The following LHX8 variants were observed in gnomAD, a reference collection of about 807,000 sequenced individuals.
LHX8 encodes the protein LIM homeobox 8.
A neutral mutation model predicts 40.3 loss-of-function variants in LHX8; 12 were observed. The observed-to-expected ratio is 0.30, with a 90% CI of 0.19 to 0.48. The LOEUF is 0.48. LHX8 is among the 20% of genes least tolerant of loss of function. The pLI is 0.99. For missense variants in LHX8, 344 were observed against 433.7 expected, an observed-to-expected ratio of 0.79 and a Z score of 1.84; for synonymous variants, 179 against 162.0, an observed-to-expected ratio of 1.10 and a Z score of -0.80.
intron 4 of LHX8, among the ~76,000 whole-genome samples, chr1:75,141,480 G>A (rs562656587): frequency 1.6e-3 from 250 of 152,170 alleles, no homozygotes; most frequent in African/African-American, 5.7e-3. Flanking sequence ...TTATGGGGGA[G>A]AAAAATCAAG....
chr1:75,144,726 G>C (rs10493553), intron 6 of LHX8, among the ~76,000 whole-genome samples: 11 of 152,052 alleles, frequency 7.2e-5, no homozygotes, highest in Middle Eastern at 3.4e-3. Flanking sequence ...ATGTGGCTGA[G>C]GTATTTGTTT....
upstream of LHX8, chr1:75,133,190 GA>G (rs1648019241): frequency 6.6e-6 from 1 of 152,220 alleles, no homozygotes; most frequent in African/African-American, 2.4e-5. Context: ...TGCGCGAAAA[GA>G]AAAACAATGG....
At chr1:75,143,013 T>G in intron 4 of LHX8, 105 bp from the exon 5 acceptor site, 2 of 837,314 alleles carry the variant, frequency 2.4e-6, no homozygotes, top group Non-Finnish European at 4.0e-6. Context: ...TTTAAATACT[T>G]AGGTTATTTC....
At chr1:75,168,370 C>T in the LHX8 span, among the ~76,000 whole-genome samples, 31 of 152,042 alleles carry the variant, frequency 2.0e-4, no homozygotes, top group East Asian at 5.6e-3. Context: ...TTACAGGCAC[C>T]CACCTCCACA....
chr1:75,144,711 G>C (rs918305806), intron 6 of LHX8, among the ~76,000 whole-genome samples: 3 of 152,028 alleles, frequency 2.0e-5, no homozygotes, highest in African/African-American at 4.8e-5. Context: ...TTTTCTAAAA[G>C]ATTAATGTGG....
chr1:75,156,829 T>G, intron 7 of LHX8, 64 bp from the exon 8 acceptor site: 1 of 1,470,886 alleles, frequency 6.8e-7, no homozygotes, highest in Non-Finnish European at 9.5e-7. Context: ...TTTAACTGAG[T>G]TGATAATGTG....
At chr1:75,138,017 A>C (rs1250990617) in intron 3 of LHX8, among the ~76,000 whole-genome samples, 1 of 152,192 alleles carries the variant, frequency 6.6e-6, no homozygotes, top group Non-Finnish European at 1.5e-5. Context: ...ACAGCCTGGG[A>C]AGAAGTGTTT....
chr1:75,144,729 A>G (rs116588292), intron 6 of LHX8, among the ~76,000 whole-genome samples: 2,539 of 152,228 alleles, frequency 0.017, 69 homozygotes, highest in African/African-American at 0.058. Flanking sequence ...TGGCTGAGGT[A>G]TTTGTTTCAT....
At chr1:75,173,737 A>T in the LHX8 span, among the ~76,000 whole-genome samples, 2 of 152,146 alleles carry the variant, frequency 1.3e-5, no homozygotes, top group Non-Finnish European at 2.9e-5. Flanking sequence ...CTAAGGTGTA[A>T]GCAAGAAACC....
At chr1:75,195,372 G>A in the LHX8 span, among the ~76,000 whole-genome samples, 1 of 152,050 alleles carries the variant, frequency 6.6e-6, no homozygotes, top group South Asian at 2.1e-4. Flanking sequence ...AACAGCAAGG[G>A]GTCTTGCTAT....
intron 7 of LHX8, among the ~76,000 whole-genome samples, chr1:75,155,455 C>G (rs377410944): frequency 6.6e-6 from 1 of 151,930 alleles, no homozygotes; most frequent in African/African-American, 2.4e-5. Flanking sequence ...AGGATGGTCT[C>G]GATCTCCTGA....
the LHX8 span, among the ~76,000 whole-genome samples, chr1:75,180,436 A>G: frequency 6.6e-6 from 1 of 152,068 alleles, no homozygotes; most frequent in Non-Finnish European, 1.5e-5. Context: ...TCATTTCATT[A>G]ATTTGATCTT....
chr1:75,173,407 G>T, the LHX8 span, among the ~76,000 whole-genome samples: 1 of 119,344 alleles, frequency 8.4e-6, no homozygotes, highest in African/African-American at 3.3e-5. Context: ...TTTTTGAGAC[G>T]GAATCTCGTT....
intron 7 of LHX8, among the ~76,000 whole-genome samples, chr1:75,155,300 T>C (rs1648727999): frequency 7.0e-6 from 1 of 143,360 alleles, no homozygotes; most frequent in South Asian, 2.2e-4. Flanking sequence ...AGTGGCATGA[T>C]CTTGGCTCAC....
chr1:75,177,735 G>A, the LHX8 span, among the ~76,000 whole-genome samples: 1 of 152,148 alleles, frequency 6.6e-6, no homozygotes, highest in Non-Finnish European at 1.5e-5. Flanking sequence ...GTGAGAGAGG[G>A]CATCCCTGTC....
At chr1:75,165,844 G>A (rs1288215500), downstream of LHX8, among the ~76,000 whole-genome samples, 1 of 152,116 alleles carries the variant, frequency 6.6e-6, no homozygotes, top group African/African-American at 2.4e-5. Flanking sequence ...ATATACCTGT[G>A]GCAATTTATA....
chr1:75,151,307 T>C (rs1221926407), intron 7 of LHX8, among the ~76,000 whole-genome samples: 1 of 152,190 alleles, frequency 6.6e-6, no homozygotes, highest in Non-Finnish European at 1.5e-5. Context: ...ACTTCAGCAC[T>C]TTCAGATATC....
At chr1:75,136,949 AGAGGGC>A (rs1648159788) in intron 2 of LHX8, 145 bp from the exon 3 acceptor site, 1 of 844,758 alleles carries the variant, frequency 1.2e-6, no homozygotes, top group East Asian at 3.1e-5. Flanking sequence ...GACTCGGGGA[AGAGGGC>A]GAGAATCGTG....
At chr1:75,144,006 A>G (rs766466928) in intron 6 of LHX8, 58 bp downstream of exon 6, 5 of 1,328,424 alleles carry the variant, frequency 3.8e-6, no homozygotes, top group Non-Finnish European at 5.4e-6. Flanking sequence ...AAAAACAAAA[A>G]GTAACCTCCA....
Sources: allele counts gnomAD v4.1 joint callset (sites outside exome capture counted in the v4.1 genomes callset), GRCh38; gene constraint gnomAD v4.1.1; transcripts MANE v1.5; gene names NCBI Gene and HGNC (gene_info 2026-07-23, HGNC 2026-07-21).